The following C11orf65 variants were observed in gnomAD, a reference collection of about 807,000 sequenced individuals.
The protein encoded by C11orf65 is protein MFI.
A neutral mutation model predicts 35.3 loss-of-function variants in C11orf65; 38 were observed. The ratio of observed to expected loss-of-function variants is 1.08; its 90% CI spans 0.83 to 1.41. The LOEUF is 1.41. C11orf65 is among the 40% of genes most tolerant of loss of function. The pLI is 0.00. For missense variants in C11orf65, 370 were observed against 367.1 expected, an observed-to-expected ratio of 1.01 and a Z score of -0.06; for synonymous variants, 105 against 114.4, an observed-to-expected ratio of 0.92 and a Z score of 0.53.
At chr11:108,412,615 A>G (rs977565576) in intron 3 of C11orf65, among the ~76,000 whole-genome samples, 5 of 152,212 alleles carry the variant, frequency 3.3e-5, no homozygotes, top group African/African-American at 9.6e-5. Flanking sequence ...ATGCACCAGT[A>G]GTCCCAGCTA....
At chr11:108,352,590 T>C (rs1483572282) in intron 2 of C11orf65, among the ~76,000 whole-genome samples, 1 of 152,152 alleles carries the variant, frequency 6.6e-6, no homozygotes, top group Non-Finnish European at 1.5e-5. Context: ...AATCTACTTA[T>C]AAAATGGCCA....
chr11:108,454,123 A>G (rs1174381831), intron 2 of C11orf65, among the ~76,000 whole-genome samples: 2 of 151,894 alleles, frequency 1.3e-5, no homozygotes, highest in Admixed American at 6.6e-5. Flanking sequence ...CATATTTTCT[A>G]TTTCTTCATG....
chr11:108,395,013 C>T (rs1438600143), intron 6 of C11orf65, among the ~76,000 whole-genome samples: 1 of 152,084 alleles, frequency 6.6e-6, no homozygotes, highest in African/African-American at 2.4e-5. Flanking sequence ...CGCCTGTAGT[C>T]CCAGCTACTG....
In C11orf65 at chr11:108,407,112, C is replaced by T. The variant is rs746071531; in HGVS notation, c.212G>A (p.Arg71Gln). The T allele has an allele frequency of 1.7e-5, 27 of 1,610,396 alleles. No individual in the cohort carries two copies. The highest frequency in any genetic ancestry group is 1.7e-4 in the Middle Eastern group (1 of 5,942). The change falls in exon 4 of 9, where the codon CGA (arginine) becomes CAA (glutamine). Residue 71 changes from arginine to glutamine, a missense_variant. Coordinates refer to ENST00000393084, the MANE Select transcript of C11orf65 (RefSeq NM_152587.5). ...LLDAAAGIHV[R>Q]FRLGGVKFPP... ...CATACTTACTCCACCTAATCTGAAT[C>T]GCACATGAATGCCAGCAGCAGCATC...
At position 108,419,130 on chromosome 11, in the gene C11orf65, G is replaced by A. The variant is rs562152239; in HGVS notation, c.175-11981C>T. The stretch of plus-strand genomic sequence containing the variant: ...ACAGAGTAGAAACATTTCCCAATTT[G>A]TTTTAGGAGGCCAGCTAAATGTGAT... On this transcript the variant is annotated intron_variant, in intron 3 of 8. Coordinates refer to ENST00000393084, the MANE Select transcript of C11orf65 (RefSeq NM_152587.5). 1.6e-3 allele frequency among the ~76,000 whole-genome samples: 247 copies of A among 152,162 alleles called. 3 individuals are homozygous for A. The highest frequency in any genetic ancestry group is 1.0e-3 in the Non-Finnish European group (71 of 68,014).
chr11:108,465,249 T>C (rs1232102884), intron 1 of C11orf65, among the ~76,000 whole-genome samples: 1 of 152,212 alleles, frequency 6.6e-6, no homozygotes, highest in Non-Finnish European at 1.5e-5. Context: ...ACGGGCTTTC[T>C]GCATACACCT....
intron 2 of C11orf65, chr11:108,368,636 A>G (rs1425859390): frequency 9.2e-6 from 2 of 217,764 alleles, no homozygotes; most frequent in African/African-American, 4.5e-5. Flanking sequence ...CAGTTGCTCA[A>G]AAGGTCAATG....
At chr11:108,412,549 T>C (rs1591499422) in intron 3 of C11orf65, among the ~76,000 whole-genome samples, 1 of 152,124 alleles carries the variant, frequency 6.6e-6, no homozygotes, top group South Asian at 2.1e-4. Context: ...ACCTGGGCAA[T>C]ATAGTTAGAC....
chr11:108,443,650 T>A (rs959809242), intron 2 of C11orf65, among the ~76,000 whole-genome samples: 5 of 152,042 alleles, frequency 3.3e-5, no homozygotes, highest in African/African-American at 1.2e-4. Flanking sequence ...AAACTAGAAC[T>A]CAGGATTAAG....
intron 2 of C11orf65, among the ~76,000 whole-genome samples, chr11:108,357,988 A>C (rs1048922879): frequency 3.4e-5 from 5 of 148,132 alleles, no homozygotes; most frequent in African/African-American, 4.9e-5. Context: ...CAGACGATCA[A>C]ATTACTCTGA....
At chr11:108,363,769 G>C (rs925071737) in intron 2 of C11orf65, among the ~76,000 whole-genome samples, 42 of 152,024 alleles carry the variant, frequency 2.8e-4, no homozygotes, top group African/African-American at 1.0e-3. Flanking sequence ...ACTTATTCCA[G>C]TTCCTCCTTA....
In C11orf65 at chr11:108,405,361, C is replaced by A. The variant is rs1405077689; in HGVS notation, c.560+68G>T. ...TAATGCCCTCTTGTGAGGAGCAATACCTCATTTCAAATTTGTTTTTTTCCC... is the reference window on the plus strand; with the variant it reads ...TAATGCCCTCTTGTGAGGAGCAATAACTCATTTCAAATTTGTTTTTTTCCC... On this transcript the variant is annotated intron_variant, in intron 6 of 8. Coordinates refer to ENST00000393084, the MANE Select transcript of C11orf65 (RefSeq NM_152587.5). 6 of 1,530,102 alleles carry A rather than the reference C, an allele frequency of 3.9e-6. No individual in the cohort carries two copies. The Admixed American group carries it at 7.6e-5, about 19-fold the overall frequency. The allele number at this position is 1,530,102 out of a possible 1,614,324, so 94.8% of individuals were successfully genotyped here.
intron 3 of C11orf65, chr11:108,332,136 A>G: frequency 1.3e-6 from 2 of 1,485,534 alleles, no homozygotes; most frequent in Non-Finnish European, 1.8e-6. Flanking sequence ...TGCCATCTAA[A>G]ATCGGTTCAA....
At chr11:108,428,749 C>T (rs2092944248) in intron 3 of C11orf65, among the ~76,000 whole-genome samples, 1 of 152,136 alleles carries the variant, frequency 6.6e-6, no homozygotes, top group South Asian at 2.1e-4. Context: ...CACCATGGTA[C>T]ATGTATACCT....
intron 2 of C11orf65, among the ~76,000 whole-genome samples, chr11:108,434,416 A>C (rs1007107316): frequency 1.3e-5 from 2 of 151,914 alleles, no homozygotes; most frequent in African/African-American, 4.8e-5. Flanking sequence ...GAGGCAGGAG[A>C]ATCGCTTGAA....
intron 2 of C11orf65, among the ~76,000 whole-genome samples, chr11:108,436,719 C>G (rs1470097761): frequency 6.6e-6 from 1 of 152,020 alleles, no homozygotes; most frequent in Non-Finnish European, 1.5e-5. Context: ...TAAAAGCAGC[C>G]AGAAAATAAA....
At chr11:108,363,429 T>TA (rs2091019129) in intron 2 of C11orf65, among the ~76,000 whole-genome samples, 1 of 152,214 alleles carries the variant, frequency 6.6e-6, no homozygotes, top group Non-Finnish European at 1.5e-5. Context: ...TTTTATGTGT[T>TA]ATGCTAAGGA....
intron 2 of C11orf65, among the ~76,000 whole-genome samples, chr11:108,458,108 C>T (rs1343820321): frequency 4.6e-5 from 7 of 152,240 alleles, no homozygotes; most frequent in African/African-American, 9.6e-5. Flanking sequence ...CTCTTAGAGG[C>T]ACTCAATATC....
At chr11:108,355,458 A>G (rs754959174) in intron 2 of C11orf65, 23 of 157,104 alleles carry the variant, frequency 1.5e-4, no homozygotes, top group Non-Finnish European at 5.6e-5. Context: ...GGCAGAAAAA[A>G]GGAAGTCAAA....
Sources: allele counts gnomAD v4.1 joint callset (sites outside exome capture counted in the v4.1 genomes callset), GRCh38; gene constraint gnomAD v4.1.1; transcripts MANE v1.5; gene names NCBI Gene and HGNC (gene_info 2026-07-23, HGNC 2026-07-21).